Variants in LRMDA observed in about 807,000 individuals in gnomAD.
LRMDA encodes the protein leucine rich melanocyte differentiation associated.
LRMDA carries 18 observed loss-of-function variants against 29.8 expected under a neutral mutation model. The observed-to-expected ratio is 0.60, with a 90% CI of 0.42 to 0.90. The LOEUF (loss-of-function observed/expected upper bound fraction) is 0.90, where lower values mean the gene tolerates loss of function less well. Ranked by LOEUF, LRMDA falls within the 40% of genes least tolerant of loss-of-function variation. The pLI is 0.00. For synonymous variants in LRMDA, 125 were observed against 109.4 expected (o/e 1.14, Z -0.89); for missense variants, 273 against 273.9 (o/e 1.00, Z 0.02).
intron 5 of LRMDA, among the ~76,000 whole-genome samples, chr10:76,240,060 A>C (rs548580073): frequency 4.6e-5 from 7 of 152,142 alleles, no homozygotes; most frequent in Middle Eastern, 6.8e-3. Flanking sequence ...AAACAATCCC[A>C]TCAAAAAGTG....
At chr10:75,660,208 A>G (rs1841733528) in intron 2 of LRMDA, among the ~76,000 whole-genome samples, 1 of 152,004 alleles carries the variant, frequency 6.6e-6, no homozygotes, top group South Asian at 2.1e-4. Flanking sequence ...GCCTTCATCT[A>G]CTCTTAACAT....
chr10:75,444,771 C>T (rs1844371039), intron 2 of LRMDA, among the ~76,000 whole-genome samples: 2 of 152,118 alleles, frequency 1.3e-5, no homozygotes, highest in African/African-American at 4.8e-5. Flanking sequence ...AACCATCTTC[C>T]TCTGAAGTCA....
At chr10:76,001,642 A>T (rs1847564927) in intron 2 of LRMDA, among the ~76,000 whole-genome samples, 1 of 151,754 alleles carries the variant, frequency 6.6e-6, no homozygotes, top group Admixed American at 6.6e-5. Flanking sequence ...TTATTATATT[A>T]TTATTTATTT....
chr10:76,152,810 A>T (rs950162691), intron 5 of LRMDA, among the ~76,000 whole-genome samples: 1 of 151,194 alleles, frequency 6.6e-6, no homozygotes, highest in Non-Finnish European at 1.5e-5. Context: ...GATTATTTGT[A>T]TATCTTCTTT....
At chr10:75,718,038 A>G (rs1052284370) in intron 2 of LRMDA, among the ~76,000 whole-genome samples, 2 of 152,166 alleles carry the variant, frequency 1.3e-5, no homozygotes, top group African/African-American at 2.4e-5. Context: ...AGTGCTTTGT[A>G]ATCTGCTTTT....
At chr10:76,494,615 CT>C (rs1174116264) in intron 6 of LRMDA, among the ~76,000 whole-genome samples, 1 of 151,372 alleles carries the variant, frequency 6.6e-6, no homozygotes, top group African/African-American at 2.4e-5. Context: ...TATTATGGAT[CT>C]TTGTTCTTTA....
chr10:75,436,507 G>A (rs558475388), intron 1 of LRMDA, among the ~76,000 whole-genome samples: 1 of 150,700 alleles, frequency 6.6e-6, no homozygotes, highest in Non-Finnish European at 1.5e-5. Flanking sequence ...TGGCTCTGTC[G>A]CCCAGGCTGG....
intron 2 of LRMDA, among the ~76,000 whole-genome samples, chr10:75,813,801 C>T (rs1844007617): frequency 6.6e-6 from 1 of 152,174 alleles, no homozygotes. Context: ...TTCTTGCTAC[C>T]TTTCACTGAT....
intron 2 of LRMDA, among the ~76,000 whole-genome samples, chr10:75,553,711 G>A (rs577520306): frequency 6.5e-4 from 99 of 152,228 alleles, no homozygotes; most frequent in African/African-American, 2.0e-3. Flanking sequence ...TAGTTAAAGC[G>A]CACCTTTTAA....
intron 2 of LRMDA, among the ~76,000 whole-genome samples, chr10:75,598,881 G>C (rs1167428507): frequency 6.6e-6 from 1 of 152,188 alleles, no homozygotes; most frequent in Non-Finnish European, 1.5e-5. Context: ...AAGCACCTGG[G>C]CTTCTGTCTA....
At chr10:75,876,788 C>T (rs949658078) in intron 2 of LRMDA, among the ~76,000 whole-genome samples, 2 of 152,164 alleles carry the variant, frequency 1.3e-5, no homozygotes, top group South Asian at 2.1e-4. Flanking sequence ...TCAATAACTA[C>T]GATTAAGTGC....
intron 6 of LRMDA, among the ~76,000 whole-genome samples, chr10:76,328,825 G>A (rs1840869217): frequency 6.6e-6 from 1 of 152,196 alleles, no homozygotes; most frequent in African/African-American, 2.4e-5. Flanking sequence ...CAAAAAGGGT[G>A]AATGCTCCAT....
At chr10:76,532,741 T>C (rs1242284936) in intron 6 of LRMDA, among the ~76,000 whole-genome samples, 1 of 152,234 alleles carries the variant, frequency 6.6e-6, no homozygotes, top group Non-Finnish European at 1.5e-5. Context: ...ATGTGAATCA[T>C]CATGGGAGGT....
At chr10:75,568,906 A>T (rs1327131464) in intron 2 of LRMDA, among the ~76,000 whole-genome samples, 1 of 151,842 alleles carries the variant, frequency 6.6e-6, no homozygotes, top group East Asian at 1.9e-4. Context: ...ATTCACTGGC[A>T]GGTGTGACTA....
chr10:76,132,968 T>C lies in LRMDA; in HGVS notation c.516+74185T>C, dbSNP rs972329767. On this transcript the variant is annotated intron_variant, in intron 5 of 6. Coordinates refer to ENST00000611255, the MANE Select transcript of LRMDA (RefSeq NM_001305581.2). Reference sequence around the variant, plus strand: ...CAGGCATCCACCACCACGCCCGGCTTTTTTTTTTTTTTTTTTTTTTTTTTT... The same window carrying C: ...CAGGCATCCACCACCACGCCCGGCTCTTTTTTTTTTTTTTTTTTTTTTTTT... Among the ~76,000 whole-genome samples the C allele has an allele frequency of 2.3e-3, 114 of 49,364 alleles. 1 individual carries two copies. The highest frequency in any genetic ancestry group is 0.011 in the African/African-American group (65 of 6,060). 32.4% of individuals were successfully genotyped at this position (49,364 alleles called of 152,430 possible). A position where few individuals can be genotyped will look rare whatever the true frequency, so the allele number is the denominator to read the frequency against.
intron 6 of LRMDA, among the ~76,000 whole-genome samples, chr10:76,377,192 T>C (rs1328000052): frequency 6.6e-6 from 1 of 152,128 alleles, no homozygotes; most frequent in Non-Finnish European, 1.5e-5. Flanking sequence ...GCCGTATGTC[T>C]TCTTTTGAGA....
chr10:75,638,109 A>G (rs1334271185), intron 2 of LRMDA, among the ~76,000 whole-genome samples: 1 of 152,138 alleles, frequency 6.6e-6, no homozygotes, highest in Non-Finnish European at 1.5e-5. Context: ...CAGAGTCCCA[A>G]TACAGGATAC....
At chr10:75,737,128 C>A (rs1042619562) in intron 2 of LRMDA, among the ~76,000 whole-genome samples, 2 of 152,186 alleles carry the variant, frequency 1.3e-5, no homozygotes, top group Non-Finnish European at 2.9e-5. Context: ...CACATGCACA[C>A]ATGCCTCAAA....
chr10:75,711,119 G>T (rs945981024), intron 2 of LRMDA, among the ~76,000 whole-genome samples: 2 of 152,210 alleles, frequency 1.3e-5, no homozygotes, highest in African/African-American at 2.4e-5. Flanking sequence ...AAGTTTGGTG[G>T]TCGTCCTTTG....
Sources: allele counts gnomAD v4.1 joint callset (sites outside exome capture counted in the v4.1 genomes callset), GRCh38; gene constraint gnomAD v4.1.1; transcripts MANE v1.5; gene names NCBI Gene and HGNC (gene_info 2026-07-23, HGNC 2026-07-21).